The following ADAD1 variants were observed in gnomAD, a reference collection of about 807,000 sequenced individuals.
The protein encoded by ADAD1 is adenosine deaminase domain containing 1.
In ADAD1, 46 loss-of-function variants were observed where a neutral mutation model predicts 66.8. That is an observed-to-expected ratio of 0.69 (90% confidence interval 0.54 to 0.88). The LOEUF is 0.88. Ranked by LOEUF, ADAD1 falls within the 40% of genes least tolerant of loss-of-function variation. The probability of loss-of-function intolerance (pLI) is 0.00; values close to 1 mark genes in which losing one functional copy is unlikely to be tolerated. For missense variants in ADAD1, 617 were observed against 681.8 expected, an observed-to-expected ratio of 0.91 and a Z score of 1.06; for synonymous variants, 248 against 229.4, an observed-to-expected ratio of 1.08 and a Z score of -0.73.
intron 8 of ADAD1, among the ~76,000 whole-genome samples, chr4:122,408,687 C>T (rs909414888): frequency 2.0e-5 from 3 of 151,294 alleles, no homozygotes; most frequent in African/African-American, 7.4e-5. Context: ...GAGTTCGAGA[C>T]CAGCCTGGGC....
chr4:122,398,761 A>G (rs947407749), intron 7 of ADAD1, among the ~76,000 whole-genome samples: 2 of 151,064 alleles, frequency 1.3e-5, no homozygotes, highest in African/African-American at 2.4e-5. Context: ...ATTTTTGTCC[A>G]TGTTATATCT....
At chr4:122,396,572 C>T (rs1430768442) in intron 7 of ADAD1, among the ~76,000 whole-genome samples, 195 bp downstream of exon 7, 1 of 152,198 alleles carries the variant, frequency 6.6e-6, no homozygotes, top group Non-Finnish European at 1.5e-5. Context: ...CAGAGAACTG[C>T]AAAATGGTGA....
At chr4:122,401,566 A>G (rs1307473180) in intron 7 of ADAD1, among the ~76,000 whole-genome samples, 1 of 152,086 alleles carries the variant, frequency 6.6e-6, no homozygotes, top group Non-Finnish European at 1.5e-5. Flanking sequence ...TTTTGTCTTG[A>G]TGACCTGTGT....
At chr4:122,405,800 T>C (rs1796182358) in intron 7 of ADAD1, among the ~76,000 whole-genome samples, 1 of 152,206 alleles carries the variant, frequency 6.6e-6, no homozygotes, top group Admixed American at 6.5e-5. Flanking sequence ...TCAACCTTTT[T>C]AGATTCCACA....
chr4:122,418,842 C>T lies in ADAD1; in HGVS notation c.1488-2419C>T, dbSNP rs925097060. On this transcript the variant is annotated intron_variant, in intron 11 of 12. Coordinates refer to ENST00000296513, the MANE Select transcript of ADAD1 (RefSeq NM_139243.4). ...AAAGCCACAATGAGATACTATCTCACACCAATCAGAATGGCTATTATCAAA... is the reference window on the plus strand; with the variant it reads ...AAAGCCACAATGAGATACTATCTCATACCAATCAGAATGGCTATTATCAAA... Among the ~76,000 whole-genome samples, 207 of 152,170 alleles carry T rather than the reference C, an allele frequency of 1.4e-3. 3 individuals are homozygous for T. The highest frequency in any genetic ancestry group is 2.9e-5 in the Non-Finnish European group (2 of 68,038).
At chr4:122,426,737 A>G (rs1212951216) in intron 12 of ADAD1, among the ~76,000 whole-genome samples, 4 of 152,244 alleles carry the variant, frequency 2.6e-5, no homozygotes, top group Admixed American at 2.0e-4. Flanking sequence ...AAATTTGTAT[A>G]ATTATCTCAA....
Position 122,407,999 on chromosome 4 carries a change from T to A in ADAD1, c.816T>A (p.His272Gln). The change falls in exon 8 of 13, where the codon CAT (histidine) becomes CAA (glutamine). Residue 272 changes from histidine (H) to glutamine (Q), a missense_variant. Physicochemically the swap from His to Gln is conservative, Grantham distance 24 (BLOSUM62 0). Transcript: ENST00000296513. ...KPDGRVLHDT[H>Q]AVVTARRSLL... is the part of the protein sequence containing the mutation. ...ATGGAAGAGTATTGCATGACACTCA[T>A]GCTGTTGTTACAGCAAGAAGGTCTC... 1.9e-6 allele frequency: 3 copies of A among 1,613,660 alleles called. No homozygotes were observed. The highest frequency in any genetic ancestry group is 2.5e-6 in the Non-Finnish European group (3 of 1,179,708).
At chr4:122,404,957 G>A (rs752032848) in intron 7 of ADAD1, among the ~76,000 whole-genome samples, 5 of 151,748 alleles carry the variant, frequency 3.3e-5, no homozygotes, top group Admixed American at 6.6e-5. Context: ...TCTTTTTTCC[G>A]GCAATAACAA....
chr4:122,385,335 C>G (rs776301223), intron 5 of ADAD1, among the ~76,000 whole-genome samples: 1 of 151,996 alleles, frequency 6.6e-6, no homozygotes, highest in African/African-American at 2.4e-5. Context: ...TGCAGTGGTG[C>G]GATCTCTGCT....
intron 5 of ADAD1, among the ~76,000 whole-genome samples, chr4:122,391,907 G>A (rs1330162916): frequency 5.3e-5 from 8 of 151,880 alleles, no homozygotes; most frequent in Admixed American, 5.3e-4. Context: ...ATAGGGTTTC[G>A]CCATGTTGCC....
intron 11 of ADAD1, among the ~76,000 whole-genome samples, chr4:122,418,823 A>T (rs1348488271): frequency 1.3e-5 from 2 of 152,242 alleles, no homozygotes; most frequent in Non-Finnish European, 2.9e-5. Flanking sequence ...AATCAAAGCC[A>T]CAATGAGATA....
At chr4:122,405,448 A>G (rs1009482989) in intron 7 of ADAD1, among the ~76,000 whole-genome samples, 5 of 152,170 alleles carry the variant, frequency 3.3e-5, no homozygotes, top group African/African-American at 9.7e-5. Context: ...CTTGGAAATT[A>G]GCCTTGCCAA....
At chr4:122,401,857 C>T (rs1435694237) in intron 7 of ADAD1, among the ~76,000 whole-genome samples, 3 of 151,928 alleles carry the variant, frequency 2.0e-5, no homozygotes, top group Non-Finnish European at 4.4e-5. Context: ...TATCTTTTTC[C>T]ACCTCTTTAC....
chr4:122,384,258 CTTA>C (rs1299175077), intron 5 of ADAD1, among the ~76,000 whole-genome samples: 8 of 152,102 alleles, frequency 5.3e-5, no homozygotes, highest in Non-Finnish European at 1.2e-4. Context: ...TTGTTAGATT[CTTA>C]TTATGAATGT....
chr4:122,398,416 G>A (rs1314282411), intron 7 of ADAD1, among the ~76,000 whole-genome samples: 2 of 151,898 alleles, frequency 1.3e-5, no homozygotes, highest in Non-Finnish European at 2.9e-5. Flanking sequence ...TTTTGCAGTT[G>A]CAAATTGTGC....
intron 7 of ADAD1, among the ~76,000 whole-genome samples, chr4:122,405,205 T>A (rs932614667): frequency 3.3e-5 from 5 of 152,178 alleles, no homozygotes; most frequent in African/African-American, 4.8e-5. Flanking sequence ...TGCCCAGGTG[T>A]CCATGAATAA....
intron 8 of ADAD1, among the ~76,000 whole-genome samples, chr4:122,409,590 T>C (rs1336939130): frequency 3.3e-5 from 5 of 152,200 alleles, no homozygotes; most frequent in Non-Finnish European, 7.3e-5. Context: ...ACTATTGTCA[T>C]CCTGTTGTGC....
At chr4:122,407,276 G>GC (rs1353287975) in intron 7 of ADAD1, among the ~76,000 whole-genome samples, 1 of 152,130 alleles carries the variant, frequency 6.6e-6, no homozygotes, top group Non-Finnish European at 1.5e-5. Context: ...AGTCACTGGG[G>GC]AATGGAAAGA....
At chr4:122,385,812 G>A (rs934800164) in intron 5 of ADAD1, among the ~76,000 whole-genome samples, 4 of 152,082 alleles carry the variant, frequency 2.6e-5, no homozygotes, top group Non-Finnish European at 5.9e-5. Flanking sequence ...CTGTTCCTGT[G>A]TTAGTTTGCT....
Sources: allele counts gnomAD v4.1 joint callset (sites outside exome capture counted in the v4.1 genomes callset), GRCh38; gene constraint gnomAD v4.1.1; transcripts MANE v1.5; gene names NCBI Gene and HGNC (gene_info 2026-07-23, HGNC 2026-07-21).